The following ST3GAL3 variants were observed in gnomAD, a reference collection of about 807,000 sequenced individuals.
ST3GAL3 encodes the protein CMP-N-acetylneuraminate-beta-1,4-galactoside alpha-2,3-sialyltransferase.
Under a neutral mutation model 50.1 loss-of-function variants are expected in ST3GAL3, and 21 were observed. The observed-to-expected ratio is 0.42, with a 90% CI of 0.30 to 0.60. The LOEUF (loss-of-function observed/expected upper bound fraction) is 0.60. ST3GAL3 is among the 20% of genes least tolerant of loss of function. ST3GAL3 has a pLI of 0.19. For missense variants in ST3GAL3, 353 were observed against 489.4 expected (o/e 0.72, Z 2.63); for synonymous variants, 183 against 190.0 (o/e 0.96, Z 0.30).
At chr1:43,765,790 C>CCCGCGT (rs1692549670) in intron 2 of ST3GAL3, among the ~76,000 whole-genome samples, 1 of 148,418 alleles carries the variant, frequency 6.7e-6, no homozygotes, top group African/African-American at 2.5e-5. Flanking sequence ...TGTGTGCGCG[C>CCCGCGT]GCGCGCGCGC....
intron 5 of ST3GAL3, among the ~76,000 whole-genome samples, chr1:43,853,303 C>G (rs2067695562): frequency 6.6e-6 from 1 of 152,236 alleles, no homozygotes; most frequent in African/African-American, 2.4e-5. Flanking sequence ...TGATAGCTCA[C>G]ACCTACTGAT....
intron 1 of ST3GAL3, among the ~76,000 whole-genome samples, chr1:43,720,129 T>C (rs1669682011): frequency 6.6e-6 from 1 of 151,788 alleles, no homozygotes; most frequent in Non-Finnish European, 1.5e-5. Flanking sequence ...CTGAGGAAGC[T>C]GAAGCAGGAA....
chr1:43,729,568 C>A (rs556125094), intron 1 of ST3GAL3, among the ~76,000 whole-genome samples: 1 of 152,320 alleles, frequency 6.6e-6, no homozygotes, highest in East Asian at 1.9e-4. Flanking sequence ...AACCTAGACC[C>A]CTCACATGGA....
At chr1:43,894,320 A>G in intron 5 of ST3GAL3, 63 bp from the exon 6 acceptor site, 1 of 1,525,366 alleles carries the variant, frequency 6.6e-7, no homozygotes, top group Non-Finnish European at 9.1e-7. Context: ...GACGTACGGA[A>G]GTGCCACCAG....
intron 4 of ST3GAL3, among the ~76,000 whole-genome samples, chr1:43,816,501 A>G (rs2061263963): frequency 6.6e-6 from 1 of 152,142 alleles, no homozygotes; most frequent in South Asian, 2.1e-4. Context: ...TTAATTTAGT[A>G]CTCTGGAAAA....
chr1:43,723,927 T>C (rs1671716912), intron 1 of ST3GAL3, among the ~76,000 whole-genome samples: 1 of 152,112 alleles, frequency 6.6e-6, no homozygotes, highest in African/African-American at 2.4e-5. Flanking sequence ...TATTTATTTA[T>C]AGCAAAGCAA....
intron 4 of ST3GAL3, among the ~76,000 whole-genome samples, chr1:43,826,515 C>T (rs1448622104): frequency 1.3e-5 from 2 of 152,072 alleles, no homozygotes; most frequent in Non-Finnish European, 2.9e-5. Context: ...AAAATGATAC[C>T]AAATGATACC....
chr1:43,852,319 T>G (rs1365642293), intron 5 of ST3GAL3, among the ~76,000 whole-genome samples: 1 of 152,170 alleles, frequency 6.6e-6, no homozygotes, highest in Non-Finnish European at 1.5e-5. Context: ...TGCTCTAAAT[T>G]TTGAGTTAGG....
At chr1:43,723,941 G>A (rs774772353) in intron 1 of ST3GAL3, among the ~76,000 whole-genome samples, 25 of 152,138 alleles carry the variant, frequency 1.6e-4, no homozygotes, top group Non-Finnish European at 2.5e-4. Context: ...AAAGCAAATG[G>A]ACTAAGAGTC....
At chr1:43,869,407 T>C (rs1394712677) in intron 5 of ST3GAL3, among the ~76,000 whole-genome samples, 1 of 152,190 alleles carries the variant, frequency 6.6e-6, no homozygotes, top group Non-Finnish European at 1.5e-5. Context: ...GGCCCCTCCC[T>C]GTCACAGTGG....
At chr1:43,731,220 T>TTTA (rs1025644807) in intron 1 of ST3GAL3, among the ~76,000 whole-genome samples, 104 of 151,870 alleles carry the variant, frequency 6.8e-4, no homozygotes, top group African/African-American at 2.5e-3. Context: ...TTTTTTTATT[T>TTTA]TTATTATTGA....
In ST3GAL3 at chr1:43,920,769, C is replaced by G; in HGVS notation, c.892-13C>G. 1 of 1,614,160 alleles carries G rather than the reference C, an allele frequency of 6.2e-7. No homozygotes were observed. Among genetic ancestry groups the G allele is most frequent in the Non-Finnish European group, 8.5e-7 (1 of 1,180,014 alleles). The stretch of plus-strand genomic sequence containing the variant: ...TCTGCATGCCTTCTCTCACCCCTGC[C>G]CCCGTCTTCTAGAACATCCCTACCC... On this transcript the variant is annotated splice_polypyrimidine_tract_variant and intron_variant, in intron 10 of 11. Coordinates refer to ENST00000347631, the MANE Select transcript of ST3GAL3 (RefSeq NM_006279.5).
intron 5 of ST3GAL3, among the ~76,000 whole-genome samples, chr1:43,856,677 A>G (rs1030185981): frequency 3.9e-5 from 6 of 152,190 alleles, no homozygotes; most frequent in Non-Finnish European, 7.3e-5. Context: ...AGCTGGAAGA[A>G]TTGCCATTTG....
rs1399977732 is a variant in ST3GAL3 at position 43,737,209 on chromosome 1, C to G, written c.118+829C>G. 1 of 152,268 alleles carries G rather than the reference C, an allele frequency of 6.6e-6. No individual in the cohort carries two copies. Among genetic ancestry groups the G allele is most frequent in the African/African-American group, 2.4e-5 (1 of 41,434 alleles). The allele number at this position is 152,268 out of a possible 1,614,324, so 9.4% of individuals were successfully genotyped here. The stretch of plus-strand genomic sequence containing the variant: ...ATAGTATAAAATCAGAACAGAGTGG[C>G]CTGTTTTGACCTGCAGTGATATGTC... On this transcript the variant is annotated intron_variant, in intron 2 of 11. Coordinates refer to ENST00000347631, the MANE Select transcript of ST3GAL3 (RefSeq NM_006279.5). This position sits in a 1 kb window ranked among gnomAD's most constrained non-coding sequence, Gnocchi z 4.0.
chr1:43,892,624 T>G (rs1002725963), intron 5 of ST3GAL3, among the ~76,000 whole-genome samples: 1 of 152,102 alleles, frequency 6.6e-6, no homozygotes, highest in Non-Finnish European at 1.5e-5. Context: ...TACTGAACTT[T>G]CCAATCATCT....
intron 2 of ST3GAL3, among the ~76,000 whole-genome samples, chr1:43,769,503 T>G (rs1694283801): frequency 6.6e-6 from 1 of 152,090 alleles, no homozygotes; most frequent in Admixed American, 6.5e-5. Flanking sequence ...GAAGAAGCCT[T>G]GTCATGCCTT....
intron 3 of ST3GAL3, chr1:43,801,632 A>T (rs2059328812): frequency 4.6e-6 from 1 of 215,524 alleles, no homozygotes; most frequent in African/African-American, 2.3e-5. Context: ...AACATTTGTG[A>T]TTTTTTTTTT....
chr1:43,898,530 G>A lies in ST3GAL3; in HGVS notation c.461+232G>A, dbSNP rs1342537458. ...ACATCCCAGTCCTCAGATACCAGAG[G>A]TTTGAGGGTAAGAACTGAACACACT... is the stretch of plus-strand genomic sequence containing the variant. On this transcript the variant is annotated intron_variant, in intron 7 of 11. Coordinates refer to ENST00000347631, the MANE Select transcript of ST3GAL3 (RefSeq NM_006279.5). The A allele has an allele frequency of 8.2e-6, 5 of 609,850 alleles. No individual in the cohort carries two copies. In the East Asian group the frequency reaches 1.5e-4, roughly 18 times the overall value. 37.8% of individuals were successfully genotyped at this position (609,850 alleles called of 1,614,324 possible). A position where few individuals can be genotyped will look rare whatever the true frequency, so the allele number is the denominator to read the frequency against.
At chr1:43,916,170 A>G (rs1376512324) in intron 9 of ST3GAL3, among the ~76,000 whole-genome samples, 1 of 152,182 alleles carries the variant, frequency 6.6e-6, no homozygotes, top group East Asian at 1.9e-4. Context: ...AGAATTGTAC[A>G]ATTATGTATT....
Sources: gnomAD v4.1 joint callset for allele counts (sites outside exome capture counted in the v4.1 genomes callset) on GRCh38, gnomAD v4.1.1 for gene constraint, Gnocchi (gnomAD v3.1) non-coding constraint, MANE v1.5 for transcripts, NCBI Gene and HGNC (gene_info 2026-07-23, HGNC 2026-07-21) for gene names.